Variants in PCDH15 observed in about 807,000 individuals in gnomAD.
The protein encoded by PCDH15 is protocadherin related 15, also known as protocadherin-15.
Under a neutral mutation model 178.5 loss-of-function variants are expected in PCDH15, and 129 were observed. The observed-to-expected ratio is 0.72, with a 90% confidence interval of 0.63 to 0.84. The LOEUF (loss-of-function observed/expected upper bound fraction) is 0.84, where lower values mean the gene tolerates loss of function less well. PCDH15 is among the 40% of genes least tolerant of loss of function. The pLI is 0.00. For missense variants in PCDH15, 2,230 were observed against 2,099.9 expected, an observed-to-expected ratio of 1.06 and a Z score of -1.21; for synonymous variants, 800 against 732.0, an observed-to-expected ratio of 1.09 and a Z score of -1.50.
chr10:54,510,955 A>G (rs927341282), intron 3 of PCDH15, among the ~76,000 whole-genome samples: 3 of 152,176 alleles, frequency 2.0e-5, no homozygotes, highest in Non-Finnish European at 4.4e-5. Flanking sequence ...CCACTGGTGA[A>G]CAAATGACTT....
intron 3 of PCDH15, among the ~76,000 whole-genome samples, chr10:54,434,533 G>A (rs2075254812): frequency 6.6e-6 from 1 of 152,202 alleles, no homozygotes; most frequent in Non-Finnish European, 1.5e-5. Context: ...ATGCTGTGCA[G>A]ACTTGTAGCC....
At chr10:54,020,437 G>C in intron 19 of PCDH15, 21 bp from the exon 20 acceptor site, 1 of 1,606,314 alleles carries the variant, frequency 6.2e-7, no homozygotes, top group Non-Finnish European at 8.5e-7. Context: ...CAGAAGAATA[G>C]TTTTATTAGT....
intron 14 of PCDH15, among the ~76,000 whole-genome samples, chr10:54,151,087 A>T (rs897926153): frequency 2.0e-5 from 3 of 152,194 alleles, no homozygotes; most frequent in African/African-American, 4.8e-5. Flanking sequence ...TTACTATTTT[A>T]AAAAGTCAAT....
chr10:54,258,282 T>C (rs540353839), intron 8 of PCDH15, among the ~76,000 whole-genome samples: 1 of 152,198 alleles, frequency 6.6e-6, no homozygotes, highest in South Asian at 2.1e-4. Flanking sequence ...AGAAGGAAAA[T>C]ATAAACAGTC....
intron 2 of PCDH15, among the ~76,000 whole-genome samples, chr10:55,100,146 G>A (rs1842543694): frequency 6.6e-6 from 1 of 151,982 alleles, no homozygotes; most frequent in South Asian, 2.1e-4. Context: ...TACTATCTTA[G>A]CAAGAATTAT....
At chr10:54,811,163 G>A (rs576320362) in intron 3 of PCDH15, among the ~76,000 whole-genome samples, 9 of 151,740 alleles carry the variant, frequency 5.9e-5, no homozygotes, top group Admixed American at 2.0e-4. Flanking sequence ...ATATATATAT[G>A]ACAAGTGCAA....
intron 6 of PCDH15, among the ~76,000 whole-genome samples, chr10:54,332,337 T>TTA (rs1176384489): frequency 1.5e-5 from 1 of 68,642 alleles, no homozygotes; most frequent in Non-Finnish European, 4.1e-5. Context: ...ATATTATATA[T>TTA]TATTATATAT....
intron 2 of PCDH15, among the ~76,000 whole-genome samples, chr10:55,351,886 C>G (rs1407117386): frequency 7.2e-5 from 11 of 152,108 alleles, no homozygotes; most frequent in Admixed American, 7.2e-4. Context: ...GCTCTCTTGT[C>G]AAAATTCCTA....
At chr10:54,610,629 A>G (rs1565737873) in intron 2 of PCDH15, among the ~76,000 whole-genome samples, 1 of 151,880 alleles carries the variant, frequency 6.6e-6, no homozygotes, top group Non-Finnish European at 1.5e-5. Flanking sequence ...TCTGTCTTAG[A>G]CTACTTAGTC....
rs141266017 is a variant in PCDH15, at chr10:54,303,732, C to A, written c.876+13539G>T. Among the ~76,000 whole-genome samples, 15 of 152,218 alleles carry A rather than the reference C, an allele frequency of 9.9e-5. No homozygotes were observed. The East Asian group carries it at 2.9e-3, about 29-fold the overall frequency. On this transcript the variant is annotated intron_variant, in intron 8 of 37. Transcript: ENST00000644397. ...ATACAGTCCAAGAAGTACTTTATTTCTGACACTTCATACCAAAGCAACCAG... is the reference window on the plus strand; with the variant it reads ...ATACAGTCCAAGAAGTACTTTATTTATGACACTTCATACCAAAGCAACCAG...
intron 3 of PCDH15, among the ~76,000 whole-genome samples, chr10:54,395,318 A>T (rs1008726030): frequency 6.6e-6 from 1 of 151,978 alleles, no homozygotes; most frequent in Non-Finnish European, 1.5e-5. Flanking sequence ...CCATGGCTTC[A>T]GCAGGTCCCT....
At chr10:55,474,414 TC>T (rs1474281893) in intron 2 of PCDH15, among the ~76,000 whole-genome samples, 1 of 152,160 alleles carries the variant, frequency 6.6e-6, no homozygotes, top group African/African-American at 2.4e-5. Context: ...AAAAATAAAA[TC>T]TTAGTAATTT....
intron 27 of PCDH15, among the ~76,000 whole-genome samples, chr10:53,858,698 A>G (rs894813970): frequency 6.6e-6 from 1 of 152,086 alleles, no homozygotes; most frequent in Admixed American, 6.6e-5. Flanking sequence ...CTAACCTTGT[A>G]CCCCTAACCC....
At chr10:54,018,242 C>T (rs2092805349) in intron 20 of PCDH15, among the ~76,000 whole-genome samples, 1 of 151,998 alleles carries the variant, frequency 6.6e-6, no homozygotes, top group Non-Finnish European at 1.5e-5. Flanking sequence ...TCTGAATGAT[C>T]TCACATAATA....
At chr10:54,168,981 G>T (rs1477049621) in intron 13 of PCDH15, among the ~76,000 whole-genome samples, 1 of 152,072 alleles carries the variant, frequency 6.6e-6, no homozygotes, top group African/African-American at 2.4e-5. Flanking sequence ...TGCCTGAACC[G>T]CAGCGGCCAG....
intron 11 of PCDH15, among the ~76,000 whole-genome samples, chr10:54,192,126 A>G (rs1797271028): frequency 7.8e-6 from 1 of 128,940 alleles, no homozygotes; most frequent in Non-Finnish European, 1.6e-5. Context: ...AAAAGAAAGA[A>G]AGAAAGAGAA....
At chr10:54,550,478 G>GTGTA (rs1428086810) in intron 2 of PCDH15, among the ~76,000 whole-genome samples, 3 of 111,160 alleles carry the variant, frequency 2.7e-5, no homozygotes, top group African/African-American at 4.1e-5. Flanking sequence ...CTGTGCCTTA[G>GTGTA]TGTATGTGTC....
intron 8 of PCDH15, among the ~76,000 whole-genome samples, chr10:54,241,090 C>G (rs2055236381): frequency 6.6e-6 from 1 of 152,130 alleles, no homozygotes; most frequent in African/African-American, 2.4e-5. Flanking sequence ...CCAAAGAGAT[C>G]ACTACTCTCT....
intron 9 of PCDH15, among the ~76,000 whole-genome samples, chr10:54,225,711 T>A (rs1291361301): frequency 6.6e-6 from 1 of 152,170 alleles, no homozygotes; most frequent in Non-Finnish European, 1.5e-5. Flanking sequence ...TTCTTTATGA[T>A]TGATTCAATT....
Sources: allele counts gnomAD v4.1 joint callset (sites outside exome capture counted in the v4.1 genomes callset), GRCh38; gene constraint gnomAD v4.1.1; transcripts MANE v1.5; gene names NCBI Gene and HGNC (gene_info 2026-07-23, HGNC 2026-07-21).